The following ARMCX4 variants were observed in gnomAD, a reference collection of about 807,000 sequenced individuals.
ARMCX4 encodes armadillo repeat-containing X-linked protein 4.
A neutral mutation model predicts 34.7 loss-of-function variants in ARMCX4; 3 were observed. The observed-to-expected ratio is 0.09, with a 90% CI of 0.04 to 0.22. The LOEUF is 0.22. Ranked by LOEUF, ARMCX4 falls within the 10% of genes least tolerant of loss-of-function variation. ARMCX4 has a pLI of 1.00. For missense variants in ARMCX4, 1,448 were observed against 1,720.8 expected, an observed-to-expected ratio of 0.84 and a Z score of 2.81; for synonymous variants, 513 against 632.8, an observed-to-expected ratio of 0.81 and a Z score of 2.84.
chrX:101,425,389 G>A (rs1439564786), intron 2 of ARMCX4, among the ~76,000 whole-genome samples: 5 of 104,290 alleles, frequency 4.8e-5, no homozygotes, highest in Non-Finnish European at 5.8e-5. Context: ...GAGAGAGGAA[G>A]GCACTTTTTT....
At chrX:101,439,067 G>A (rs1931040613) in intron 2 of ARMCX4, among the ~76,000 whole-genome samples, 1 of 112,053 alleles carries the variant, frequency 8.9e-6, no homozygotes, top group South Asian at 3.7e-4. Context: ...TCCTAGCCTT[G>A]ATAGTCTTTA....
chrX:101,451,549 T>G (rs1931988062), downstream of ARMCX4, among the ~76,000 whole-genome samples: 1 of 94,954 alleles, frequency 1.1e-5, no homozygotes, highest in South Asian at 6.1e-4. Flanking sequence ...ACTCACCTGA[T>G]TTTTAGTTCT....
intron 2 of ARMCX4, chrX:101,419,097 C>T (rs1353079653): frequency 9.2e-6 from 1 of 109,054 alleles, no homozygotes; most frequent in Non-Finnish European, 1.9e-5. Context: ...AATGTTCTAC[C>T]TTTTCCTTGA....
intron 4 of ARMCX4, among the ~76,000 whole-genome samples, chrX:101,459,466 G>A (rs182755189): frequency 9.0e-6 from 1 of 111,433 alleles, no homozygotes; most frequent in Admixed American, 9.6e-5. Flanking sequence ...ATCTATAATA[G>A]CTATGTAGCT....
chrX:101,436,486 A>G (rs1351433278), intron 2 of ARMCX4, among the ~76,000 whole-genome samples: 2 of 111,088 alleles, frequency 1.8e-5, no homozygotes, highest in African/African-American at 3.3e-5. Flanking sequence ...ATTTTTGCAC[A>G]TTGATTTTGT....
At chrX:101,455,025 C>G (rs782007382) in intron 4 of ARMCX4, among the ~76,000 whole-genome samples, 2 of 111,773 alleles carry the variant, frequency 1.8e-5, no homozygotes, top group Non-Finnish European at 3.8e-5. Flanking sequence ...TATTATCACA[C>G]TGGGCATTGG....
intron 4 of ARMCX4, among the ~76,000 whole-genome samples, chrX:101,463,724 C>T (rs1322157298): frequency 9.0e-6 from 1 of 111,147 alleles, no homozygotes; most frequent in Non-Finnish European, 1.9e-5. Context: ...TAAGTGCCTA[C>T]TATGTGTAGT....
chrX:101,513,271 C>G (rs1934634981), intron 11 of ARMCX4, among the ~76,000 whole-genome samples: 1 of 111,714 alleles, frequency 9.0e-6, no homozygotes, highest in South Asian at 3.8e-4. Flanking sequence ...ACCTAGCCAA[C>G]TTTACACATA....
At chrX:101,531,428 A>G (rs1458713885) in intron 11 of ARMCX4, among the ~76,000 whole-genome samples, 1 of 112,056 alleles carries the variant, frequency 8.9e-6, no homozygotes, top group Non-Finnish European at 1.9e-5. Context: ...AGGAAAATGT[A>G]GAAATTTACC....
intron 8 of ARMCX4, among the ~76,000 whole-genome samples, chrX:101,505,976 G>A (rs782236254): frequency 3.6e-5 from 4 of 111,391 alleles, no homozygotes; most frequent in African/African-American, 6.5e-5. Context: ...CAAGTAGCTG[G>A]GATTACAGGC....
chrX:101,443,880 A>G, intron 2 of ARMCX4: 2 of 373,904 alleles, frequency 5.3e-6, no homozygotes, highest in South Asian at 5.3e-5. Context: ...TTTTCCATGA[A>G]CAAGATGCCA....
At position 101,487,596 on chromosome X, in the gene ARMCX4, A is replaced by G; in HGVS notation, c.-286-12A>G. On this transcript the variant is annotated splice_polypyrimidine_tract_variant and intron_variant, in intron 3 of 5. Transcript: ENST00000423738. ...GGTTTCCATTACCTACTGTTTGTTT[A>G]CTTGTCCATAGATCTGCCTGCATGT... The G allele has an allele frequency of 1.1e-6, 1 of 932,154 alleles. No homozygotes were observed. The highest frequency in any genetic ancestry group is 2.0e-5 in the African/African-American group (1 of 49,710). 76.8% of individuals were successfully genotyped at this position (932,154 alleles called of 1,213,427 possible).
intron 2 of ARMCX4, among the ~76,000 whole-genome samples, chrX:101,423,709 G>A (rs1463478449): frequency 9.0e-6 from 1 of 111,145 alleles, no homozygotes; most frequent in Non-Finnish European, 1.9e-5. Flanking sequence ...GATTTAGGAC[G>A]GGGGCGCTGG....
intron 11 of ARMCX4, among the ~76,000 whole-genome samples, chrX:101,515,371 C>CTTTCTTTCTTTCTTTCTTTCTT (rs1569346524): frequency 6.8e-5 from 4 of 58,646 alleles, no homozygotes; most frequent in African/African-American, 2.8e-4. Context: ...TTCTTTCTTT[C>CTTTCTTTCTTTCTTTCTTTCTT]TTTCTTTCTT....
intron 2 of ARMCX4, among the ~76,000 whole-genome samples, chrX:101,426,068 C>CT (rs1243995891): frequency 9.0e-6 from 1 of 111,086 alleles, no homozygotes; most frequent in Non-Finnish European, 1.9e-5. Flanking sequence ...AGCAATCTGC[C>CT]TGCCTTAGCC....
chrX:101,518,065 T>G (rs1556018341), intron 11 of ARMCX4, among the ~76,000 whole-genome samples: 4 of 111,747 alleles, frequency 3.6e-5, no homozygotes. Context: ...TAATTGGATT[T>G]TTTTACCCAA....
At chrX:101,496,730 T>C (rs1556011939), downstream of ARMCX4, among the ~76,000 whole-genome samples, 1 of 111,390 alleles carries the variant, frequency 9.0e-6, no homozygotes, top group African/African-American at 3.3e-5. Flanking sequence ...ACATAGAAGA[T>C]CTACCTCTCT....
chrX:101,422,306 C>T (rs190697408), intron 2 of ARMCX4, among the ~76,000 whole-genome samples: 2 of 111,227 alleles, frequency 1.8e-5, no homozygotes, highest in Non-Finnish European at 3.8e-5. Flanking sequence ...CGTGAGCCAC[C>T]GTGCCTGGCT....
In ARMCX4 at chrX:101,527,724, A is replaced by G. The variant is rs1404285126; in HGVS notation, c.*1781-3920A>G. On this transcript the variant is annotated intron_variant and NMD_transcript_variant, in intron 11 of 12. Transcript: ENST00000354842. ...ACACCTCTATGCAAATAAACTAGAA[A>G]ATCTAGGAGAAGTGGATAAATTCCT... Among the ~76,000 whole-genome samples, 4 of 112,058 alleles carry G rather than the reference A, an allele frequency of 3.6e-5. No homozygotes were observed. The East Asian group carries it at 1.1e-3, about 31-fold the overall frequency.
Sources: gnomAD v4.1 joint callset for allele counts (sites outside exome capture counted in the v4.1 genomes callset) on GRCh38, gnomAD v4.1.1 for gene constraint, MANE v1.5 for transcripts, NCBI Gene and HGNC (gene_info 2026-07-23, HGNC 2026-07-21) for gene names.